AGBL4: variants seen among roughly 807,000 people sequenced by gnomAD.
AGBL4 encodes the protein AGBL carboxypeptidase 4.
Under a neutral mutation model 66.4 loss-of-function variants are expected in AGBL4, and 58 were observed. The ratio of observed to expected loss-of-function variants is 0.87; its 90% confidence interval spans 0.71 to 1.09. AGBL4 has a LOEUF of 1.09. AGBL4 is among the 50% of genes least tolerant of loss of function. AGBL4 has a pLI of 0.00. For missense variants in AGBL4, 579 were observed against 631.0 expected (o/e 0.92, Z 0.88); for synonymous variants, 234 against 222.9 (o/e 1.05, Z -0.44).
chr1:48,602,463 A>C (rs1010117745), intron 9 of AGBL4, among the ~76,000 whole-genome samples: 1 of 152,074 alleles, frequency 6.6e-6, no homozygotes, highest in Non-Finnish European at 1.5e-5. Context: ...AGATCTTGTC[A>C]GTCTTTCTAC....
At chr1:49,834,270 G>A (rs1645783768) in intron 2 of AGBL4, among the ~76,000 whole-genome samples, 2 of 152,026 alleles carry the variant, frequency 1.3e-5, no homozygotes, top group Admixed American at 1.3e-4. Flanking sequence ...ACCTCTTATT[G>A]GTCTATTCAG....
intron 1 of AGBL4, among the ~76,000 whole-genome samples, chr1:49,887,455 C>T (rs750911186): frequency 4.0e-5 from 6 of 151,582 alleles, no homozygotes; most frequent in Non-Finnish European, 7.4e-5. Flanking sequence ...AAATGAAAGG[C>T]CCGGAGATTC....
chr1:49,484,301 T>C (rs1233006828), intron 3 of AGBL4, among the ~76,000 whole-genome samples: 3 of 152,122 alleles, frequency 2.0e-5, no homozygotes, highest in Non-Finnish European at 4.4e-5. Context: ...TGAACTCCCA[T>C]GTTTATTTCA....
At chr1:48,812,919 A>G (rs900735161) in intron 6 of AGBL4, among the ~76,000 whole-genome samples, 1 of 150,734 alleles carries the variant, frequency 6.6e-6, no homozygotes, top group Non-Finnish European at 1.5e-5. Context: ...ATGAGAACAC[A>G]TGGACACAGG....
Position 49,125,803 on chromosome 1 carries a change from G to A in AGBL4, c.378-80003C>T, listed in dbSNP as rs28539906. 2.1e-3 allele frequency among the ~76,000 whole-genome samples: 317 copies of A among 152,194 alleles called. 5 individuals are homozygous for A. The highest frequency in any genetic ancestry group is 7.1e-3 in the African/African-American group (294 of 41,534). On this transcript the variant is annotated intron_variant, in intron 4 of 13. Transcript: ENST00000371839. ...CATCCAGATACTAATTAGAGTTTGA[G>A]CCCAAATCTTTCTTCCAAGTTCCTG...
At chr1:48,560,341 C>A (rs1644379387) in intron 11 of AGBL4, among the ~76,000 whole-genome samples, 1 of 152,166 alleles carries the variant, frequency 6.6e-6, no homozygotes, top group Admixed American at 6.5e-5. Flanking sequence ...TTCAATACCC[C>A]ATGCCTTGGG....
rs577928489 is a variant in AGBL4 at position 49,911,468 on chromosome 1, C to A, written c.35-59950G>T. 3.9e-5 allele frequency among the ~76,000 whole-genome samples: 6 copies of A among 152,276 alleles called. No homozygotes were observed. The East Asian group carries it at 9.7e-4, about 25-fold the overall frequency. On this transcript the variant is annotated intron_variant, in intron 1 of 13. Transcript: ENST00000371839. ...TACTACATACAATATAAATCATGCT[C>A]ATTGAATGGTTCAGTGGAAACTACT...
intron 1 of AGBL4, among the ~76,000 whole-genome samples, chr1:49,854,108 A>G (rs1286416148): frequency 6.6e-6 from 1 of 151,856 alleles, no homozygotes; most frequent in Non-Finnish European, 1.5e-5. Flanking sequence ...TTTATGCCAT[A>G]TGGAAAAGTA....
chr1:49,940,759 A>C (rs1288440507), intron 1 of AGBL4, among the ~76,000 whole-genome samples: 1 of 152,046 alleles, frequency 6.6e-6, no homozygotes, highest in Non-Finnish European at 1.5e-5. Context: ...CTAAATGACG[A>C]GTTAATGGGT....
chr1:49,729,761 C>T (rs753544611), intron 2 of AGBL4, among the ~76,000 whole-genome samples: 5 of 151,864 alleles, frequency 3.3e-5, no homozygotes, highest in South Asian at 2.1e-4. Flanking sequence ...TATAAAGATC[C>T]GAATTAATAA....
chr1:49,427,750 G>A (rs926384486), intron 3 of AGBL4, among the ~76,000 whole-genome samples: 8 of 152,286 alleles, frequency 5.3e-5, no homozygotes, highest in East Asian at 3.9e-4. Flanking sequence ...AAGTTTCCAC[G>A]GCGCAGAATG....
intron 4 of AGBL4, among the ~76,000 whole-genome samples, chr1:49,169,655 G>T (rs551581830): frequency 2.0e-4 from 31 of 152,266 alleles, no homozygotes; most frequent in Middle Eastern, 3.4e-3. Context: ...CTGCTTAGGG[G>T]ATGAAGTCTA....
chr1:49,008,196 T>C (rs1348093098), intron 5 of AGBL4, among the ~76,000 whole-genome samples: 2 of 150,892 alleles, frequency 1.3e-5, no homozygotes, highest in South Asian at 2.1e-4. Context: ...ACTAAGCAAA[T>C]GGAAAACAAA....
At chr1:49,890,002 C>G (rs1369313528) in intron 1 of AGBL4, among the ~76,000 whole-genome samples, 1 of 152,068 alleles carries the variant, frequency 6.6e-6, no homozygotes, top group Non-Finnish European at 1.5e-5. Context: ...CGTATTGAAC[C>G]ACTGAAGGCA....
At chr1:49,631,251 C>T (rs1463086706) in intron 3 of AGBL4, among the ~76,000 whole-genome samples, 2 of 152,182 alleles carry the variant, frequency 1.3e-5, no homozygotes, top group Non-Finnish European at 2.9e-5. Context: ...AAACCTGTGC[C>T]TTTCTAACAA....
At chr1:49,189,568 C>T (rs1391895271) in intron 4 of AGBL4, among the ~76,000 whole-genome samples, 7 of 152,164 alleles carry the variant, frequency 4.6e-5, no homozygotes, top group Non-Finnish European at 1.0e-4. Flanking sequence ...AAAGCTGAGG[C>T]TCAGAGATTA....
chr1:49,584,184 T>C (rs140926371), intron 3 of AGBL4, among the ~76,000 whole-genome samples: 1 of 152,328 alleles, frequency 6.6e-6, no homozygotes, highest in Non-Finnish European at 1.5e-5. Flanking sequence ...GACCAGAAAC[T>C]AGGGACCCCC....
chr1:49,315,325 T>G (rs990441913), intron 3 of AGBL4, among the ~76,000 whole-genome samples: 1 of 152,102 alleles, frequency 6.6e-6, no homozygotes, highest in Non-Finnish European at 1.5e-5. Context: ...ATTCAGGACA[T>G]AGGCATGGGC....
chr1:49,735,334 TAG>T (rs1553254326), intron 2 of AGBL4, among the ~76,000 whole-genome samples: 2 of 138,972 alleles, frequency 1.4e-5, no homozygotes, highest in African/African-American at 2.7e-5. Context: ...TGTGTGTGTG[TAG>T]AGAGAGAGAG....
Sources: allele counts gnomAD v4.1 joint callset (sites outside exome capture counted in the v4.1 genomes callset), GRCh38; gene constraint gnomAD v4.1.1; transcripts MANE v1.5; gene names NCBI Gene and HGNC (gene_info 2026-07-23, HGNC 2026-07-21).